The following CHLSN variants were observed in gnomAD, a reference collection of about 807,000 sequenced individuals.
CHLSN encodes cholesin.
At chr7:1,070,779 G>T in the CHLSN span, among the ~76,000 whole-genome samples, 1 of 138,196 alleles carries the variant, frequency 7.2e-6, no homozygotes, top group Non-Finnish European at 1.5e-5. Flanking sequence ...GCACACGCAC[G>T]CACACGGACA....
the CHLSN span, chr7:1,092,839 T>A: frequency 6.2e-7 from 1 of 1,612,544 alleles, no homozygotes. Flanking sequence ...GGATGTGAGG[T>A]TCAGCAGTGC....
the CHLSN span, chr7:1,043,445 C>T: frequency 6.6e-6 from 1 of 152,210 alleles, no homozygotes; most frequent in Non-Finnish European, 1.5e-5. Flanking sequence ...ACGTATCTAC[C>T]TCAAAACAAT....
At chr7:1,009,366 G>A in the CHLSN span, among the ~76,000 whole-genome samples, 3 of 152,164 alleles carry the variant, frequency 2.0e-5, no homozygotes, top group Non-Finnish European at 2.9e-5. Flanking sequence ...GCCTGTGCTG[G>A]TAAGCGCCGG....
the CHLSN span, among the ~76,000 whole-genome samples, chr7:981,029 C>T: frequency 6.6e-6 from 1 of 152,050 alleles, no homozygotes; most frequent in Non-Finnish European, 1.5e-5. Flanking sequence ...GGCACTGTGG[C>T]TCACGCCTGT....
At chr7:1,092,514 C>A in the CHLSN span, 1 of 1,608,044 alleles carries the variant, frequency 6.2e-7, no homozygotes, top group Non-Finnish European at 8.5e-7. Context: ...GCATGATCCT[C>A]GCGGTGGTGC....
At chr7:984,706 G>T in the CHLSN span, 2 of 1,338,828 alleles carry the variant, frequency 1.5e-6, no homozygotes, top group African/African-American at 1.5e-5. Context: ...CTGGGCCTCC[G>T]GGCTGGTGCT....
chr7:1,123,549 C>T, the CHLSN span, among the ~76,000 whole-genome samples: 3 of 152,220 alleles, frequency 2.0e-5, no homozygotes, highest in East Asian at 3.9e-4. This position sits in a 1 kb window ranked among gnomAD's most constrained non-coding sequence, Gnocchi z 4.4. Context: ...CAGGCCCAGC[C>T]GCCCACCCTC....
the CHLSN span, among the ~76,000 whole-genome samples, chr7:1,111,337 C>T: frequency 1.2e-3 from 186 of 152,374 alleles, no homozygotes; most frequent in Non-Finnish European, 2.3e-3. Context: ...TGTTCTGCTG[C>T]GGCCCAGGCC....
the CHLSN span, among the ~76,000 whole-genome samples, chr7:1,086,359 T>C: frequency 6.6e-6 from 1 of 152,230 alleles, no homozygotes; most frequent in South Asian, 2.1e-4. Flanking sequence ...AATGCTGAAA[T>C]CATCTCAACT....
At chr7:979,753 G>A in the CHLSN span, among the ~76,000 whole-genome samples, 4 of 152,012 alleles carry the variant, frequency 2.6e-5, no homozygotes, top group Non-Finnish European at 5.9e-5. Context: ...AAAAATGCAG[G>A]GATTCAAGCA....
the CHLSN span, among the ~76,000 whole-genome samples, chr7:1,027,274 T>C: frequency 1.3e-5 from 2 of 152,252 alleles, no homozygotes; most frequent in African/African-American, 2.4e-5. Context: ...GAGTTACTCA[T>C]AAGCAAAGGA....
the CHLSN span, among the ~76,000 whole-genome samples, chr7:994,426 G>A: frequency 1.3e-5 from 2 of 152,080 alleles, no homozygotes; most frequent in Admixed American, 1.3e-4. Context: ...CCCCCAAAGT[G>A]TTGGGATTAC....
chr7:1,058,160 G>T, the CHLSN span: 1 of 738,894 alleles, frequency 1.4e-6, no homozygotes, highest in South Asian at 1.4e-5. Context: ...GCGTCCGCAG[G>T]GAGGACACGC....
chr7:1,130,713 C>T, the CHLSN span, among the ~76,000 whole-genome samples: 14 of 141,976 alleles, frequency 9.9e-5, 1 homozygote, highest in South Asian at 2.6e-4. Context: ...GGGCCCCGGG[C>T]GGGTGGGGGC....
At chr7:1,134,700 C>T in the CHLSN span, among the ~76,000 whole-genome samples, 1 of 151,682 alleles carries the variant, frequency 6.6e-6, no homozygotes, top group South Asian at 2.1e-4. Flanking sequence ...AACCCCGTCT[C>T]TACTAAAAAA....
the CHLSN span, among the ~76,000 whole-genome samples, chr7:1,114,423 G>A: frequency 3.3e-5 from 5 of 152,250 alleles, no homozygotes; most frequent in East Asian, 1.9e-4. Context: ...GCCTGGAGAA[G>A]TGCTGTTTCT....
At chr7:1,041,231 GCTGCGGGGAAGGGGACCTGGGCT>G in the CHLSN span, among the ~76,000 whole-genome samples, 10 of 145,614 alleles carry the variant, frequency 6.9e-5, no homozygotes, top group Middle Eastern at 3.6e-3. Flanking sequence ...TGGGCTCCGC[GCTGCGGGGAAGGGGACCTGGGCT>G]CCGCGCTGCG....
At chr7:1,050,808 A>G in the CHLSN span, among the ~76,000 whole-genome samples, 2 of 152,318 alleles carry the variant, frequency 1.3e-5, no homozygotes, top group East Asian at 1.9e-4. Context: ...AGACGGGCAC[A>G]CCGGAAACAG....
At chr7:1,055,378 G>A in the CHLSN span, 5 of 470,490 alleles carry the variant, frequency 1.1e-5, no homozygotes, top group Admixed American at 2.3e-5. Flanking sequence ...GCGCAGCAGC[G>A]CGCAGGTCCT....
Sources: allele counts gnomAD v4.1 joint callset (sites outside exome capture counted in the v4.1 genomes callset), GRCh38; gene constraint gnomAD v4.1.1; non-coding constraint Gnocchi (gnomAD v3.1); transcripts MANE v1.5; gene names NCBI Gene and HGNC (gene_info 2026-07-23, HGNC 2026-07-21).